Variants in CLCN3 observed in about 807,000 individuals in gnomAD.
CLCN3 encodes the protein H(+)/Cl(-) exchange transporter 3.
A neutral mutation model predicts 83.4 loss-of-function variants in CLCN3; 16 were observed. The ratio of observed to expected loss-of-function variants is 0.19; its 90% CI spans 0.13 to 0.29. CLCN3 has a LOEUF of 0.29. CLCN3 is among the 10% of genes least tolerant of loss of function. The probability of loss-of-function intolerance (pLI) is 1.00; values close to 1 mark genes in which losing one functional copy is unlikely to be tolerated. For synonymous variants in CLCN3, 322 were observed against 346.2 expected (o/e 0.93, Z 0.78); for missense variants, 544 against 1,006.0 (o/e 0.54, Z 6.21).
Position 169,713,323 on chromosome 4 carries a change from C to T in CLCN3, c.2366+28C>T, listed in dbSNP as rs377746375. 211 of 1,525,454 alleles carry T rather than the reference C, an allele frequency of 1.4e-4. 1 individual carries two copies. Among genetic ancestry groups the T allele is most frequent in the Non-Finnish European group, 1.9e-4 (209 of 1,099,774 alleles). 94.5% of individuals were successfully genotyped at this position (1,525,454 alleles called of 1,614,324 possible). A position where few individuals can be genotyped will look rare whatever the true frequency, so the allele number is the denominator to read the frequency against. ...AAGTCTGGTACCACAGGAATCAGTT[C>T]ACTTGCTAGAATATAGGATCCTTTT... On this transcript the variant is annotated intron_variant, in intron 12 of 12. Coordinates refer to ENST00000513761, the MANE Select transcript of CLCN3 (RefSeq NM_001829.4).
At chr4:169,718,702 C>T (rs1733519598) in intron 12 of CLCN3, among the ~76,000 whole-genome samples, 1 of 152,218 alleles carries the variant, frequency 6.6e-6, no homozygotes, top group African/African-American at 2.4e-5. Flanking sequence ...ATTGTCATAC[C>T]TGTATGAAAC....
chr4:169,622,142 A>G (rs879919522), intron 1 of CLCN3, among the ~76,000 whole-genome samples: 2 of 152,238 alleles, frequency 1.3e-5, no homozygotes, highest in Admixed American at 1.3e-4. Context: ...CTTTACTTGA[A>G]TGATGAGTCA....
At chr4:169,653,830 A>G (rs1352422085) in intron 2 of CLCN3, among the ~76,000 whole-genome samples, 1 of 151,902 alleles carries the variant, frequency 6.6e-6, no homozygotes. Flanking sequence ...CCTTTAAACA[A>G]CCAGCTTTGT....
At chr4:169,629,172 A>C (rs1773305188) in intron 1 of CLCN3, among the ~76,000 whole-genome samples, 1 of 114,610 alleles carries the variant, frequency 8.7e-6, no homozygotes, top group Non-Finnish European at 2.0e-5. Context: ...TGGTGATGGA[A>C]TATTCTGTAT....
At position 169,646,881 on chromosome 4, in the gene CLCN3, T is replaced by G. The variant is rs1241799569; in HGVS notation, c.160+10793T>G. 3.3e-5 allele frequency among the ~76,000 whole-genome samples: 5 copies of G among 152,346 alleles called. No individual in the cohort carries two copies. The East Asian group carries it at 9.6e-4, about 29-fold the overall frequency. On this transcript the variant is annotated intron_variant, in intron 2 of 12. Coordinates refer to ENST00000513761, the MANE Select transcript of CLCN3 (RefSeq NM_001829.4). ...TAAAAAATGAAGGGAAACATATCTATTCTACCTACCTGATTCAGATTAGTT... is the reference window on the plus strand; with the variant it reads ...TAAAAAATGAAGGGAAACATATCTAGTCTACCTACCTGATTCAGATTAGTT...
chr4:169,697,976 T>C (rs1215418806), intron 9 of CLCN3, among the ~76,000 whole-genome samples: 4 of 152,250 alleles, frequency 2.6e-5, no homozygotes, highest in East Asian at 1.9e-4. Context: ...GTTCTTGATA[T>C]TGAGTCAACG....
chr4:169,679,214 C>T (rs1306260775), intron 2 of CLCN3, among the ~76,000 whole-genome samples: 1 of 145,724 alleles, frequency 6.9e-6, no homozygotes, highest in African/African-American at 2.6e-5. Context: ...ACCTCCCAGA[C>T]GGGGCAGCCG....
chr4:169,712,589 G>A (rs2150274192), intron 11 of CLCN3, among the ~76,000 whole-genome samples: 1 of 152,262 alleles, frequency 6.6e-6, no homozygotes, highest in African/African-American at 2.4e-5. Flanking sequence ...AAAAGAAAAA[G>A]AACCAGCTAA....
At chr4:169,691,520 CTCTTT>C (rs898732788) in intron 6 of CLCN3, among the ~76,000 whole-genome samples, 3 of 152,144 alleles carry the variant, frequency 2.0e-5, no homozygotes, top group Non-Finnish European at 2.9e-5. Flanking sequence ...CTTATCTCTT[CTCTTT>C]TATTTTTCTG....
chr4:169,702,991 CAG>C lies in CLCN3; in HGVS notation c.1564-1006_1564-1005del, dbSNP rs541152379. Among the ~76,000 whole-genome samples, 262 of 152,216 alleles carry C rather than the reference CAG, an allele frequency of 1.7e-3. 1 individual carries two copies. Among genetic ancestry groups the C allele is most frequent in the African/African-American group, 4.4e-3 (183 of 41,526 alleles). ...AGGGAAGCCTGAGAAGAGGGAGAGA[CAG>C]GGGAACAGCCAGTTAGTGGAGCAGT... On this transcript the variant is annotated intron_variant, in intron 9 of 12. Transcript: ENST00000513761.
chr4:169,665,705 C>G (rs551585298), intron 2 of CLCN3, among the ~76,000 whole-genome samples: 13 of 152,034 alleles, frequency 8.6e-5, no homozygotes, highest in African/African-American at 3.1e-4. Flanking sequence ...CCTCTTCCTT[C>G]CATAATTTTT....
At chr4:169,661,700 G>A (rs923330824) in intron 2 of CLCN3, among the ~76,000 whole-genome samples, 1 of 152,038 alleles carries the variant, frequency 6.6e-6, no homozygotes, top group Non-Finnish European at 1.5e-5. Flanking sequence ...TTTGATATAT[G>A]TGTATATGTA....
chr4:169,679,495 C>A lies in CLCN3; in HGVS notation c.161-555C>A, dbSNP rs1468131934. On this transcript the variant is annotated intron_variant, in intron 2 of 12. Transcript: ENST00000513761. ...CTCACTTCCTAGACGGGGTGGCGGC[C>A]GGGCAGAGGCTGCAATCTCAGCACT... Among the ~76,000 whole-genome samples the A allele has an allele frequency of 3.3e-5, 5 of 152,116 alleles. No homozygotes were observed. The South Asian group carries it at 6.2e-4, about 19-fold the overall frequency.
intron 2 of CLCN3, among the ~76,000 whole-genome samples, chr4:169,668,398 G>A (rs1731332364): frequency 6.6e-6 from 1 of 152,124 alleles, no homozygotes; most frequent in East Asian, 1.9e-4. Flanking sequence ...TATCTGTCAA[G>A]TATAGTATTA....
At chr4:169,719,424 A>G (rs1427461026) in intron 12 of CLCN3, among the ~76,000 whole-genome samples, 1 of 152,224 alleles carries the variant, frequency 6.6e-6, no homozygotes, top group East Asian at 1.9e-4. Flanking sequence ...AGATCGCGCC[A>G]CTGCACTCCA....
chr4:169,652,813 A>T lies in CLCN3; in HGVS notation c.160+16725A>T, dbSNP rs181536805. 7.2e-4 allele frequency among the ~76,000 whole-genome samples: 109 copies of T among 152,180 alleles called. 1 individual carries two copies. Among genetic ancestry groups the T allele is most frequent in the African/African-American group, 1.1e-3 (46 of 41,510 alleles). On this transcript the variant is annotated intron_variant, in intron 2 of 12. Coordinates refer to ENST00000513761, the MANE Select transcript of CLCN3 (RefSeq NM_001829.4). ...TTGTCAGTGTGCTAGCTATGTATGG[A>T]TTTTGATTGTGGTTTAAATTTGCAT... is the stretch of plus-strand genomic sequence containing the variant.
chr4:169,687,887 C>T (rs1732223968), intron 4 of CLCN3, 130 bp downstream of exon 4: 2 of 538,094 alleles, frequency 3.7e-6, no homozygotes, highest in Admixed American at 7.3e-5. Flanking sequence ...TTCAAAAAAT[C>T]TCCTTAAATA....
At chr4:169,668,505 G>A (rs1330140286) in intron 2 of CLCN3, among the ~76,000 whole-genome samples, 3 of 152,250 alleles carry the variant, frequency 2.0e-5, no homozygotes, top group East Asian at 1.9e-4. Flanking sequence ...AGTAACTTGC[G>A]CTGGATCACA....
intron 2 of CLCN3, chr4:169,660,339 C>T (rs1182956328): frequency 7.3e-7 from 1 of 1,379,036 alleles, no homozygotes; most frequent in Admixed American, 3.5e-5. Context: ...TTTTCTTTTT[C>T]TTTTTCTTCT....
Sources: gnomAD v4.1 joint callset for allele counts (sites outside exome capture counted in the v4.1 genomes callset) on GRCh38, gnomAD v4.1.1 for gene constraint, MANE v1.5 for transcripts, NCBI Gene and HGNC (gene_info 2026-07-23, HGNC 2026-07-21) for gene names.